The following ZNF277 variants were observed in gnomAD, a reference collection of about 807,000 sequenced individuals.
ZNF277 encodes the protein nuclear receptor-interacting factor 4.
In ZNF277, 55 loss-of-function variants were observed where a neutral mutation model predicts 60.7. The ratio of observed to expected loss-of-function variants is 0.91; its 90% CI spans 0.73 to 1.13. ZNF277 has a LOEUF of 1.13. Ranked by LOEUF, ZNF277 falls within the 50% of genes most tolerant of loss-of-function variation. The pLI, the probability that ZNF277 is intolerant of heterozygous loss-of-function variation, is 0.00. For synonymous variants in ZNF277, 178 were observed against 179.3 expected (o/e 0.99, Z 0.06); for missense variants, 510 against 523.0 (o/e 0.98, Z 0.24).
At chr7:112,325,258 T>C (rs776770752) in intron 5 of ZNF277, among the ~76,000 whole-genome samples, 1 of 152,168 alleles carries the variant, frequency 6.6e-6, no homozygotes. Flanking sequence ...AGGCCACTCC[T>C]AGGGGAACCT....
At chr7:112,327,412 C>G (rs564626056) in intron 5 of ZNF277, among the ~76,000 whole-genome samples, 11 of 152,296 alleles carry the variant, frequency 7.2e-5, no homozygotes, top group Admixed American at 5.9e-4. Flanking sequence ...TCTTTCTGTG[C>G]AGCCTGCTTC....
chr7:112,293,471 C>T (rs1288530254), intron 2 of ZNF277, among the ~76,000 whole-genome samples: 4 of 150,660 alleles, frequency 2.7e-5, no homozygotes, highest in South Asian at 2.1e-4. Flanking sequence ...CCCAGCTACT[C>T]GGGAGGCTGA....
intron 1 of ZNF277, among the ~76,000 whole-genome samples, chr7:112,264,212 A>T (rs945227047): frequency 2.0e-5 from 3 of 151,390 alleles, no homozygotes; most frequent in Non-Finnish European, 4.4e-5. Context: ...TCATTAGCTT[A>T]TGTATACTAA....
chr7:112,249,851 A>G (rs1308791807), intron 1 of ZNF277, among the ~76,000 whole-genome samples: 2 of 152,136 alleles, frequency 1.3e-5, no homozygotes, highest in Non-Finnish European at 2.9e-5. Flanking sequence ...AATCCTGTCA[A>G]CTGAGGAGGA....
chr7:112,224,940 C>G (rs1009659894), intron 1 of ZNF277, among the ~76,000 whole-genome samples: 1 of 152,056 alleles, frequency 6.6e-6, no homozygotes, highest in South Asian at 2.1e-4. Context: ...GTCAGAAGTT[C>G]AAGACCATCT....
chr7:112,276,809 G>T (rs372068203), intron 1 of ZNF277, among the ~76,000 whole-genome samples: 20 of 152,190 alleles, frequency 1.3e-4, no homozygotes, highest in African/African-American at 4.8e-4. Context: ...TTTACCAAGG[G>T]TATTTATCTG....
chr7:112,217,609 C>T (rs188688505), intron 1 of ZNF277, among the ~76,000 whole-genome samples: 195 of 152,294 alleles, frequency 1.3e-3, no homozygotes, highest in African/African-American at 4.4e-3. Flanking sequence ...TTGGGAGGAG[C>T]TTAGTTCATA....
rs752094287 is a variant in ZNF277 at position 112,341,042 on chromosome 7, C to G, written c.1180C>G (p.Leu394Val). 2 of 1,599,114 alleles carry G rather than the reference C, an allele frequency of 1.3e-6. No individual in the cohort carries two copies. Among genetic ancestry groups the G allele is most frequent in the Non-Finnish European group, 1.7e-6 (2 of 1,173,388 alleles). Residue 394 changes from leucine (L) to valine (V), a missense_variant, in exon 11 of 12, where the codon CTG (leucine) becomes GTG (valine). By Grantham distance (32) the Leu-to-Val change is conservative. Coordinates refer to ENST00000361822, the MANE Select transcript of ZNF277 (RefSeq NM_021994.3). ...CCCCGATAGAAAGACGTGGGATCAA[C>G]TGGAGTACGTACTGCAAAACCAAAT... ...LLPDRKTWDQ[L>V]EYYFPTYEND...
chr7:112,208,736 A>G (rs1346394350), intron 1 of ZNF277, among the ~76,000 whole-genome samples: 3 of 122,202 alleles, frequency 2.5e-5, no homozygotes, highest in African/African-American at 6.2e-5. Flanking sequence ...GCTGGAGTGC[A>G]GTGGCGCGAT....
At chr7:112,268,998 T>C (rs1391564850) in intron 1 of ZNF277, among the ~76,000 whole-genome samples, 5 of 152,266 alleles carry the variant, frequency 3.3e-5, no homozygotes, top group Middle Eastern at 3.4e-3. Context: ...TGTCTTAAGC[T>C]TCTGTGTGTT....
intron 1 of ZNF277, among the ~76,000 whole-genome samples, chr7:112,209,218 C>G (rs1821671636): frequency 6.6e-6 from 1 of 151,992 alleles, no homozygotes; most frequent in African/African-American, 2.4e-5. Flanking sequence ...CAATGAACAA[C>G]TTTATGTACA....
At chr7:112,283,454 C>A (rs747636857) in intron 1 of ZNF277, among the ~76,000 whole-genome samples, 1 of 152,122 alleles carries the variant, frequency 6.6e-6, no homozygotes, top group Non-Finnish European at 1.5e-5. Context: ...ACCTGGGAGG[C>A]GGAGGTTGCA....
At chr7:112,299,292 C>G (rs964759040) in intron 4 of ZNF277, among the ~76,000 whole-genome samples, 3 of 152,066 alleles carry the variant, frequency 2.0e-5, no homozygotes, top group African/African-American at 7.2e-5. Context: ...AGAAAGAAGT[C>G]TAAATCATTA....
At chr7:112,224,645 C>T (rs778639861) in intron 1 of ZNF277, among the ~76,000 whole-genome samples, 26 of 152,066 alleles carry the variant, frequency 1.7e-4, no homozygotes, top group Admixed American at 5.9e-4. Flanking sequence ...TTATTGAGGA[C>T]GGGGGATTCT....
intron 1 of ZNF277, among the ~76,000 whole-genome samples, chr7:112,278,257 A>G (rs1791858809): frequency 1.3e-5 from 2 of 152,330 alleles, no homozygotes; most frequent in South Asian, 2.1e-4. Context: ...ATATTTGGGA[A>G]GTAGGCTTAT....
At chr7:112,304,389 C>T (rs1246018147) in intron 4 of ZNF277, among the ~76,000 whole-genome samples, 1 of 152,108 alleles carries the variant, frequency 6.6e-6, no homozygotes, top group African/African-American at 2.4e-5. Context: ...CCTTTTGACA[C>T]TTAAAAGAGA....
intron 4 of ZNF277, among the ~76,000 whole-genome samples, chr7:112,317,902 A>G (rs1792876248): frequency 1.3e-5 from 2 of 152,110 alleles, no homozygotes; most frequent in Non-Finnish European, 2.9e-5. Context: ...GGAAGAGGAT[A>G]GGGATGGGAA....
chr7:112,275,677 T>C (rs910688048), intron 1 of ZNF277, among the ~76,000 whole-genome samples: 7 of 152,224 alleles, frequency 4.6e-5, no homozygotes, highest in African/African-American at 1.7e-4. Flanking sequence ...ATTTCTATCA[T>C]GAATTTATAA....
intron 1 of ZNF277, among the ~76,000 whole-genome samples, chr7:112,262,977 T>G (rs1162813958): frequency 6.6e-6 from 1 of 152,220 alleles, no homozygotes; most frequent in Non-Finnish European, 1.5e-5. Context: ...GTTAAGATAT[T>G]TGCTCAGGGA....
Sources: allele counts gnomAD v4.1 joint callset (sites outside exome capture counted in the v4.1 genomes callset), GRCh38; gene constraint gnomAD v4.1.1; transcripts MANE v1.5; gene names NCBI Gene and HGNC (gene_info 2026-07-23, HGNC 2026-07-21).